The following MCU variants were observed in gnomAD, a reference collection of about 807,000 sequenced individuals.
The protein encoded by MCU is calcium uniporter protein, mitochondrial.
Under a neutral mutation model 45.2 loss-of-function variants are expected in MCU, and 12 were observed. The observed-to-expected ratio is 0.27, with a 90% CI of 0.17 to 0.43. The LOEUF (loss-of-function observed/expected upper bound fraction) is 0.43. Among genes scored for constraint, MCU ranks in the 20% least tolerant of loss-of-function variants. MCU has a pLI of 1.00. For missense variants in MCU, 324 were observed against 436.7 expected (o/e 0.74, Z 2.30); for synonymous variants, 160 against 165.1 (o/e 0.97, Z 0.24).
chr10:72,779,066 T>C (rs894289319), intron 1 of MCU, among the ~76,000 whole-genome samples: 3 of 152,050 alleles, frequency 2.0e-5, no homozygotes, highest in Admixed American at 2.0e-4. Context: ...GCCTCCTGGG[T>C]TCAAGTGATT....
At chr10:72,876,188 A>G (rs1336615676) in intron 6 of MCU, among the ~76,000 whole-genome samples, 1 of 152,202 alleles carries the variant, frequency 6.6e-6, no homozygotes, top group Non-Finnish European at 1.5e-5. Flanking sequence ...CTTCTTTCCT[A>G]GAACTGTCCC....
chr10:72,727,830 G>GA (rs1158520578), intron 1 of MCU, among the ~76,000 whole-genome samples: 2 of 151,034 alleles, frequency 1.3e-5, no homozygotes, highest in African/African-American at 4.9e-5. Flanking sequence ...AGAATCTGAT[G>GA]AAAAAATGTA....
intron 1 of MCU, among the ~76,000 whole-genome samples, chr10:72,742,390 G>T (rs1396517168): frequency 6.6e-6 from 1 of 152,046 alleles, no homozygotes; most frequent in Non-Finnish European, 1.5e-5. Flanking sequence ...GTCATCATAG[G>T]GTTTTTTCAG....
intron 4 of MCU, among the ~76,000 whole-genome samples, chr10:72,864,494 T>C (rs1845424056): frequency 6.6e-6 from 1 of 152,238 alleles, no homozygotes; most frequent in Admixed American, 6.5e-5. Flanking sequence ...ACAATGTAGA[T>C]AAATACAGTA....
chr10:72,828,310 A>G lies in MCU; in HGVS notation c.151-6049A>G, dbSNP rs181452969. Among the ~76,000 whole-genome samples, 3 of 152,326 alleles carry G rather than the reference A, an allele frequency of 2.0e-5. No individual in the cohort carries two copies. The East Asian group carries it at 5.8e-4, about 29-fold the overall frequency. ...TAAGATTTTAGCCATGGACAAATAT[A>G]TAGATACAGTGTTCCATCTAAAGCT... On this transcript the variant is annotated intron_variant, in intron 1 of 7. Transcript: ENST00000373053.
chr10:72,778,144 T>A (rs1021418022), intron 1 of MCU, among the ~76,000 whole-genome samples: 2 of 152,130 alleles, frequency 1.3e-5, no homozygotes, highest in African/African-American at 4.8e-5. Context: ...AAAATAGAGC[T>A]GCCATATGAT....
rs74145979 is a variant in MCU, at chr10:72,875,925, G to C, written c.861+4345G>C. ...AAGGGGATGATGTTGCCTCATAGGA[G>C]TGAGCATTGATTCTTGGGGAGTAAA... On this transcript the variant is annotated intron_variant, in intron 6 of 7. Transcript: ENST00000373053. Among the ~76,000 whole-genome samples, 1,032 of 152,352 alleles carry C rather than the reference G, an allele frequency of 6.8e-3. 15 individuals are homozygous for C. The highest frequency in any genetic ancestry group is 0.023 in the African/African-American group (973 of 41,586).
chr10:72,776,100 T>G (rs1352122590), intron 1 of MCU, among the ~76,000 whole-genome samples: 1 of 151,906 alleles, frequency 6.6e-6, no homozygotes, highest in Non-Finnish European at 1.5e-5. Context: ...CCCAGGAGTT[T>G]GAAGCTGCAG....
chr10:72,845,430 T>C (rs1043064656), intron 2 of MCU, among the ~76,000 whole-genome samples: 11 of 152,202 alleles, frequency 7.2e-5, no homozygotes, highest in African/African-American at 2.4e-4. Context: ...ATGCATGTAC[T>C]GAATAACAAC....
At chr10:72,757,015 G>GA (rs74364895) in intron 1 of MCU, 1,581 of 117,876 alleles carry the variant, frequency 0.013, 21 homozygotes, top group African/African-American at 0.032. Flanking sequence ...CTTGAAAAAG[G>GA]AAAAAAAAAA....
intron 1 of MCU, among the ~76,000 whole-genome samples, chr10:72,814,911 A>C (rs1844602243): frequency 6.6e-6 from 1 of 152,258 alleles, no homozygotes; most frequent in Non-Finnish European, 1.5e-5. Context: ...AACCAGTGGG[A>C]AAATCTTAGG....
chr10:72,765,949 C>G (rs1843720718), intron 1 of MCU, among the ~76,000 whole-genome samples: 1 of 152,014 alleles, frequency 6.6e-6, no homozygotes, highest in Admixed American at 6.6e-5. Context: ...TCACTGCAGC[C>G]TTGACCTCCT....
At chr10:72,729,374 G>C (rs1843141072) in intron 1 of MCU, among the ~76,000 whole-genome samples, 1 of 152,208 alleles carries the variant, frequency 6.6e-6, no homozygotes. Context: ...GGAGGCTGAG[G>C]CAGGAGAATT....
chr10:72,779,322 C>T lies in MCU; in HGVS notation c.151-55037C>T, dbSNP rs186325537. Reference sequence around the variant, plus strand: ...AAGGGCCTAAATGTAGGAGTTACGACAATAAAACTCTGAAGACAACAGGTG... The same window carrying T: ...AAGGGCCTAAATGTAGGAGTTACGATAATAAAACTCTGAAGACAACAGGTG... On this transcript the variant is annotated intron_variant, in intron 1 of 7. Transcript: ENST00000373053. Among the ~76,000 whole-genome samples the T allele has an allele frequency of 6.6e-5, 10 of 152,272 alleles. No homozygotes were observed. The East Asian group carries it at 1.9e-3, about 29-fold the overall frequency.
In MCU at chr10:72,692,200, G is replaced by C. The variant is rs752210589; in HGVS notation, c.49G>C (p.Gly17Arg). The change falls in exon 1 of 8, where the codon GGC becomes CGC. Residue 17 changes from glycine to arginine, a missense_variant. Transcript: ENST00000373053. ...GCTCCTGCTGCTCCTCTCCTCTCGG[G>C]GCGGCGGCGGCGGGGGCGCCGGCGG... ...RSLLLLLSSRGGGGGGAGGCG... is the reference protein window; with the variant it reads ...RSLLLLLSSRRGGGGGAGGCG... 180 of 1,254,110 alleles carry C rather than the reference G, an allele frequency of 1.4e-4. No individual in the cohort carries two copies. The highest frequency in any genetic ancestry group is 1.6e-4 in the Non-Finnish European group (162 of 992,502). The allele number at this position is 1,254,110 out of a possible 1,614,324, so 77.7% of individuals were successfully genotyped here.
At chr10:72,802,162 C>CCT (rs923489890) in intron 1 of MCU, among the ~76,000 whole-genome samples, 2 of 152,120 alleles carry the variant, frequency 1.3e-5, no homozygotes, top group Non-Finnish European at 2.9e-5. Flanking sequence ...TTAACTTGTA[C>CCT]CTCTTCAGGA....
intron 1 of MCU, among the ~76,000 whole-genome samples, chr10:72,713,683 A>G (rs185308371): frequency 1.1e-3 from 173 of 152,234 alleles, no homozygotes; most frequent in Non-Finnish European, 2.0e-3. Context: ...ATGATTTCCA[A>G]TCATTTTCAA....
chr10:72,879,195 G>A lies in MCU; in HGVS notation c.862-5071G>A, dbSNP rs557859332. 9.2e-5 allele frequency among the ~76,000 whole-genome samples: 14 copies of A among 152,204 alleles called. No homozygotes were observed. The East Asian group carries it at 2.3e-3, about 25-fold the overall frequency. ...TGAGGATCGCTTGAACCTGAGAGAC[G>A]AAGGTTGCAGTGAACTGAGATCACA... On this transcript the variant is annotated intron_variant, in intron 6 of 7. Transcript: ENST00000373053.
At position 72,886,015 on chromosome 10, in the gene MCU, T is replaced by C; in HGVS notation, c.*193T>C. On this transcript the variant is annotated 3_prime_UTR_variant, in exon 8 of 8. Transcript: ENST00000373053. ...GGATCAGGCATTGTGGAATATAAGC[T>C]CAAAGGGCTTAGTGAATATTGTCTT... is the stretch of plus-strand genomic sequence containing the variant. 1 of 550,562 alleles carries C rather than the reference T, an allele frequency of 1.8e-6. No individual in the cohort carries two copies. Among genetic ancestry groups the C allele is most frequent in the Non-Finnish European group, 3.2e-6 (1 of 309,152 alleles). 34.1% of individuals were successfully genotyped at this position (550,562 alleles called of 1,614,324 possible).
Sources: allele counts gnomAD v4.1 joint callset (sites outside exome capture counted in the v4.1 genomes callset), GRCh38; gene constraint gnomAD v4.1.1; transcripts MANE v1.5; gene names NCBI Gene and HGNC (gene_info 2026-07-23, HGNC 2026-07-21).